NSD2: variants seen among roughly 807,000 people sequenced by gnomAD.
NSD2 encodes the protein nuclear receptor binding SET domain protein 2, also known as histone-lysine N-methyltransferase NSD2.
In NSD2, 12 loss-of-function variants were observed where a neutral mutation model predicts 139.0. The ratio of observed to expected loss-of-function variants is 0.09; its 90% confidence interval spans 0.06 to 0.14. The LOEUF is 0.14. Ranked by LOEUF, NSD2 falls within the 10% of genes least tolerant of loss-of-function variation. The pLI is 1.00. For synonymous variants in NSD2, 669 were observed against 648.7 expected, an observed-to-expected ratio of 1.03 and a Z score of -0.48; for missense variants, 1,155 against 1,745.0, an observed-to-expected ratio of 0.66 and a Z score of 6.02.
At chr4:1,878,239 ATATATATATATATTTTTTTTTTTTTTTT>A (rs1199748133) in intron 1 of NSD2, among the ~76,000 whole-genome samples, 2 of 33,332 alleles carry the variant, frequency 6.0e-5, no homozygotes, top group African/African-American at 2.5e-4. Flanking sequence ...ATATATATAT[ATATATATATATATTTTTTTTTTTTTTTT>A]TTTTTTTTTT....
At position 1,942,045 on chromosome 4, in the gene NSD2, T is replaced by G; in HGVS notation, c.1881+2267T>G. 1 of 1,156,002 alleles carries G rather than the reference T, an allele frequency of 8.7e-7. No homozygotes were observed. The allele number at this position is 1,156,002 out of a possible 1,614,324, so 71.6% of individuals were successfully genotyped here. ...CTTTGCATGTTTGTATTTCCTCCCT[T>G]TCATCACATTTGTTTGAAATAAGGT... On this transcript the variant is annotated intron_variant, in intron 9 of 21. Transcript: ENST00000508803. This position sits in a 1 kb window ranked among gnomAD's most constrained non-coding sequence, Gnocchi z 4.0.
At chr4:1,944,652 T>C in intron 9 of NSD2, 13 of 1,063,402 alleles carry the variant, frequency 1.2e-5, no homozygotes, top group Non-Finnish European at 1.5e-5. Flanking sequence ...TGTAATAGGG[T>C]GGCATCTTCA....
At chr4:1,970,388 G>A (rs538893690) in intron 18 of NSD2, among the ~76,000 whole-genome samples, 67 of 152,310 alleles carry the variant, frequency 4.4e-4, no homozygotes, top group Non-Finnish European at 7.5e-4. Flanking sequence ...AGAGATGCAG[G>A]TTGGAGCATA....
chr4:1,945,890 T>C, intron 9 of NSD2: 1 of 1,060,040 alleles, frequency 9.4e-7, no homozygotes, highest in Non-Finnish European at 1.1e-6. Context: ...GCTTCATTTC[T>C]TTTTCATTTG....
Position 1,874,520 on chromosome 4 carries a change from G to T in NSD2, c.-30+2978G>T, listed in dbSNP as rs138346871. Among the ~76,000 whole-genome samples the T allele has an allele frequency of 8.6e-3, 1,313 of 152,234 alleles. 14 individuals carry two copies. Among genetic ancestry groups the T allele is most frequent in the Non-Finnish European group, 0.015 (1,034 of 68,024 alleles). ...ACACTCAGTAAGTGCCGAATAAATG[G>T]GTATATGGCTTAGGGTAAACAAACA... On this transcript the variant is annotated intron_variant, in intron 1 of 21. Transcript: ENST00000508803.
At chr4:1,924,989 G>T (rs1280408376) in intron 5 of NSD2, among the ~76,000 whole-genome samples, 1 of 152,168 alleles carries the variant, frequency 6.6e-6, no homozygotes, top group Non-Finnish European at 1.5e-5. Flanking sequence ...GCCCACCCCT[G>T]GTTCCTGATG....
chr4:1,896,619 G>A (rs1323944880), intron 1 of NSD2, among the ~76,000 whole-genome samples: 1 of 152,054 alleles, frequency 6.6e-6, no homozygotes, highest in Non-Finnish European at 1.5e-5. Flanking sequence ...TCCCTCTTTG[G>A]CCTCCCAAAG....
intron 7 of NSD2, among the ~76,000 whole-genome samples, chr4:1,937,920 C>A (rs901675391): frequency 1.3e-5 from 2 of 152,166 alleles, no homozygotes; most frequent in Non-Finnish European, 2.9e-5. Context: ...GATCTTTGTT[C>A]ATTAGGTGTA....
intron 18 of NSD2, among the ~76,000 whole-genome samples, chr4:1,964,637 C>T (rs565488441): frequency 2.6e-4 from 40 of 152,140 alleles, no homozygotes; most frequent in East Asian, 7.7e-4. Flanking sequence ...GCTGCGCTGC[C>T]GTTGTTATCA....
intron 18 of NSD2, among the ~76,000 whole-genome samples, chr4:1,971,626 C>T (rs76475197): frequency 2.0e-5 from 3 of 152,106 alleles, no homozygotes; most frequent in Non-Finnish European, 2.9e-5. Flanking sequence ...GCGTGAGGTC[C>T]GAGCCAGGGC....
intron 9 of NSD2, chr4:1,943,616 G>T: frequency 9.5e-7 from 1 of 1,048,618 alleles, no homozygotes; most frequent in Non-Finnish European, 1.2e-6. Flanking sequence ...TTCCTCTATT[G>T]GCTCTGCTCA....
chr4:1,929,128 T>C (rs1283852478), intron 5 of NSD2, among the ~76,000 whole-genome samples: 3 of 151,448 alleles, frequency 2.0e-5, no homozygotes, highest in African/African-American at 7.3e-5. Flanking sequence ...TGGGTGGGCA[T>C]TGGTGGGTGT....
intron 1 of NSD2, among the ~76,000 whole-genome samples, chr4:1,893,331 G>C (rs1454352149): frequency 2.0e-5 from 3 of 152,104 alleles, no homozygotes; most frequent in African/African-American, 7.2e-5. Context: ...TGAGCCAGGC[G>C]TGGTGATGCA....
intron 5 of NSD2, among the ~76,000 whole-genome samples, chr4:1,927,023 G>A (rs1720994800): frequency 6.6e-6 from 1 of 152,166 alleles, no homozygotes; most frequent in East Asian, 1.9e-4. Flanking sequence ...TCTTGAAGTT[G>A]CATTTAAGAT....
chr4:1,901,651 G>A (rs962173409), intron 2 of NSD2, among the ~76,000 whole-genome samples: 2 of 152,190 alleles, frequency 1.3e-5, no homozygotes, highest in Admixed American at 6.5e-5. Flanking sequence ...GAGACAGGCT[G>A]GGCTCTAGAG....
chr4:1,918,659 C>G (rs370668893), intron 5 of NSD2, 36 bp downstream of exon 5: 1 of 1,604,478 alleles, frequency 6.2e-7, no homozygotes, highest in South Asian at 1.1e-5. Context: ...TAGCAAGTTT[C>G]AGAATTTGAG....
chr4:1,953,004 G>A (rs1724437736), intron 11 of NSD2: 2 of 1,439,182 alleles, frequency 1.4e-6, no homozygotes, highest in African/African-American at 1.4e-5. Flanking sequence ...CTCTCAAGGA[G>A]GAAAGGCCTC....
chr4:1,913,781 G>A (rs111549334), intron 3 of NSD2, among the ~76,000 whole-genome samples: 68 of 152,224 alleles, frequency 4.5e-4, no homozygotes, highest in Non-Finnish European at 9.3e-4. Context: ...CCGCATCTTG[G>A]TGGTAGTGGT....
intron 9 of NSD2, chr4:1,945,243 T>C: frequency 9.4e-7 from 1 of 1,066,644 alleles, no homozygotes; most frequent in Non-Finnish European, 1.1e-6. Flanking sequence ...GGTGGGGAGA[T>C]GGGCATTTGG....
Sources: gnomAD v4.1 joint callset for allele counts (sites outside exome capture counted in the v4.1 genomes callset) on GRCh38, gnomAD v4.1.1 for gene constraint, Gnocchi (gnomAD v3.1) non-coding constraint, MANE v1.5 for transcripts, NCBI Gene and HGNC (gene_info 2026-07-23, HGNC 2026-07-21) for gene names.